The following CSMD3 variants were observed in gnomAD, a reference collection of about 807,000 sequenced individuals.
CSMD3 encodes CUB and sushi domain-containing protein 3.
In CSMD3, 177 loss-of-function variants were observed where a neutral mutation model predicts 435.2. The ratio of observed to expected loss-of-function variants is 0.41; its 90% CI spans 0.36 to 0.46. The LOEUF is 0.46. Among genes scored for constraint, CSMD3 ranks in the 20% least tolerant of loss-of-function variants. The pLI is 0.34. For missense variants in CSMD3, 4,265 were observed against 4,504.6 expected, an observed-to-expected ratio of 0.95 and a Z score of 1.52; for synonymous variants, 1,656 against 1,520.5, an observed-to-expected ratio of 1.09 and a Z score of -2.07.
intron 3 of CSMD3, among the ~76,000 whole-genome samples, chr8:113,274,708 C>T (rs148677048): frequency 6.6e-6 from 1 of 151,948 alleles, no homozygotes; most frequent in Non-Finnish European, 1.5e-5. Context: ...CAGCACATTA[C>T]CTTAACTGAG....
chr8:112,453,620 A>G (rs1404992165), intron 32 of CSMD3, among the ~76,000 whole-genome samples: 2 of 152,152 alleles, frequency 1.3e-5, no homozygotes, highest in Non-Finnish European at 1.5e-5. Context: ...AGATGACACA[A>G]ACAAATGGAA....
intron 13 of CSMD3, among the ~76,000 whole-genome samples, chr8:112,715,185 T>C (rs1337768964): frequency 6.6e-6 from 1 of 151,740 alleles, no homozygotes; most frequent in Non-Finnish European, 1.5e-5. Flanking sequence ...GCTACACTAA[T>C]GAAGGAGAAA....
chr8:112,792,685 C>T (rs1287726302), intron 13 of CSMD3, among the ~76,000 whole-genome samples: 1 of 152,068 alleles, frequency 6.6e-6, no homozygotes, highest in Non-Finnish European at 1.5e-5. Context: ...AGCTCTTAAA[C>T]TTAGGTCTAT....
At chr8:112,991,790 G>A (rs956346950) in intron 6 of CSMD3, among the ~76,000 whole-genome samples, 19 of 151,838 alleles carry the variant, frequency 1.3e-4, no homozygotes, top group Non-Finnish European at 2.9e-5. Context: ...TCAACCCAGT[G>A]AAGTGATGTT....
chr8:113,164,569 A>G (rs2092113567), intron 4 of CSMD3, among the ~76,000 whole-genome samples: 1 of 152,028 alleles, frequency 6.6e-6, no homozygotes, highest in South Asian at 2.1e-4. Context: ...AAAAAGCCTA[A>G]GAAAAGTGGT....
intron 13 of CSMD3, among the ~76,000 whole-genome samples, chr8:112,697,576 C>T (rs997055209): frequency 1.6e-4 from 21 of 132,314 alleles, no homozygotes; most frequent in East Asian, 2.6e-4. Flanking sequence ...CATCACACAC[C>T]GGGGCCTGTT....
intron 4 of CSMD3, among the ~76,000 whole-genome samples, chr8:113,102,615 T>G (rs1348409325): frequency 1.3e-5 from 2 of 152,110 alleles, no homozygotes; most frequent in East Asian, 1.9e-4. Flanking sequence ...GAACAAGAAT[T>G]TCCTGAGGAA....
intron 5 of CSMD3, among the ~76,000 whole-genome samples, chr8:113,069,914 T>C (rs1442008467): frequency 6.6e-6 from 1 of 152,086 alleles, no homozygotes; most frequent in Non-Finnish European, 1.5e-5. Flanking sequence ...GGGTCACTAC[T>C]TAAAAGGCAG....
intron 65 of CSMD3, among the ~76,000 whole-genome samples, chr8:112,242,104 C>A (rs1250117641): frequency 6.6e-6 from 1 of 152,092 alleles, no homozygotes; most frequent in Non-Finnish European, 1.5e-5. Flanking sequence ...GAGACAGTTG[C>A]CTCCAACATG....
intron 36 of CSMD3, among the ~76,000 whole-genome samples, chr8:112,388,549 A>C (rs1329220276): frequency 6.6e-6 from 1 of 152,176 alleles, no homozygotes; most frequent in African/African-American, 2.4e-5. Flanking sequence ...AGTTGTTCTG[A>C]GAAAGAGAAC....
chr8:113,039,742 C>T (rs149697964), intron 5 of CSMD3, among the ~76,000 whole-genome samples: 32 of 152,142 alleles, frequency 2.1e-4, no homozygotes, highest in Non-Finnish European at 4.0e-4. Context: ...CAGGACAGTA[C>T]AGAATTGGCC....
chr8:112,923,663 A>G (rs548040078), intron 9 of CSMD3, among the ~76,000 whole-genome samples: 2 of 152,234 alleles, frequency 1.3e-5, no homozygotes, highest in South Asian at 4.1e-4. Flanking sequence ...TATTTCCTAT[A>G]TACTATCTAA....
At chr8:113,414,353 T>C (rs1253287052) in intron 1 of CSMD3, among the ~76,000 whole-genome samples, 1 of 152,220 alleles carries the variant, frequency 6.6e-6, no homozygotes, top group Non-Finnish European at 1.5e-5. Context: ...AAGATACTAT[T>C]GTTATATCAT....
rs939924078 is a variant in CSMD3, at chr8:113,212,827, T to C, written c.515-38911A>G. On this transcript the variant is annotated intron_variant, in intron 3 of 70. Transcript: ENST00000297405. ...GGGTGCAGCACACCAATATGGCACA[T>C]GTATACATATGTAACTAACCTGCAC... is the stretch of plus-strand genomic sequence containing the variant. Among the ~76,000 whole-genome samples the C allele has an allele frequency of 4.6e-5, 7 of 151,112 alleles. No individual in the cohort carries two copies. In the East Asian group the frequency reaches 1.4e-3, roughly 30 times the overall value.
intron 27 of CSMD3, among the ~76,000 whole-genome samples, chr8:112,522,731 A>G (rs1194017707): frequency 6.6e-6 from 1 of 151,912 alleles, no homozygotes; most frequent in East Asian, 1.9e-4. Context: ...TGTTATGAAT[A>G]ACCTAGGGTT....
intron 5 of CSMD3, among the ~76,000 whole-genome samples, chr8:113,074,915 T>C (rs558700862): frequency 6.6e-6 from 1 of 151,988 alleles, no homozygotes; most frequent in South Asian, 2.1e-4. Context: ...ATAAACATTA[T>C]GTCGTATCCA....
intron 2 of CSMD3, among the ~76,000 whole-genome samples, chr8:113,282,846 C>T (rs894162418): frequency 2.5e-4 from 38 of 151,896 alleles, no homozygotes; most frequent in Admixed American, 5.3e-4. Flanking sequence ...ACTATAAGGC[C>T]GTAGTCACCA....
chr8:113,422,424 AACTT>A (rs1428322511), intron 1 of CSMD3, among the ~76,000 whole-genome samples: 1 of 152,194 alleles, frequency 6.6e-6, no homozygotes, highest in Non-Finnish European at 1.5e-5. Context: ...ACTTGATTCA[AACTT>A]GACCTCATTT....
chr8:112,231,110 A>C (rs1468690589), intron 69 of CSMD3, among the ~76,000 whole-genome samples: 1 of 152,118 alleles, frequency 6.6e-6, no homozygotes, highest in African/African-American at 2.4e-5. Context: ...CCTCAAAGTT[A>C]TTTTCTCTTT....
Sources: allele counts gnomAD v4.1 joint callset (sites outside exome capture counted in the v4.1 genomes callset), GRCh38; gene constraint gnomAD v4.1.1; transcripts MANE v1.5; gene names NCBI Gene and HGNC (gene_info 2026-07-23, HGNC 2026-07-21).